Variants in RFPL4AL1 observed in about 807,000 individuals in gnomAD.
RFPL4AL1 encodes ret finger protein like 4A like 1.
RFPL4AL1 carries 2 observed loss-of-function variants against 8.2 expected under a neutral mutation model. The observed-to-expected ratio is 0.24, with a 90% CI of 0.10 to 0.77. RFPL4AL1 has a LOEUF of 0.77. Among genes scored for constraint, RFPL4AL1 ranks in the 30% least tolerant of loss-of-function variants. The pLI, the probability that RFPL4AL1 is intolerant of heterozygous loss-of-function variation, is 0.72. For missense variants in RFPL4AL1, 57 were observed against 350.3 expected, an observed-to-expected ratio of 0.16 and a Z score of 6.68; for synonymous variants, 25 against 131.8, an observed-to-expected ratio of 0.19 and a Z score of 5.55.
intron 1 of RFPL4AL1, among the ~76,000 whole-genome samples, chr19:55,770,243 G>A (rs73933346): frequency 1.8e-3 from 271 of 151,910 alleles, no homozygotes; most frequent in African/African-American, 6.3e-3. Flanking sequence ...CTAGCAGAGA[G>A]GGGGTAATAT....
At chr19:55,770,632 T>C (rs1173304746) in intron 1 of RFPL4AL1, among the ~76,000 whole-genome samples, 2 of 151,842 alleles carry the variant, frequency 1.3e-5, no homozygotes, top group African/African-American at 4.8e-5. Flanking sequence ...GAGTGTGTGA[T>C]TTAGTGTGGT....
At chr19:55,771,085 TG>T (rs769977705) in intron 1 of RFPL4AL1, among the ~76,000 whole-genome samples, 13 of 92,764 alleles carry the variant, frequency 1.4e-4, no homozygotes, top group Admixed American at 5.5e-4. Flanking sequence ...TTCTGTTTTT[TG>T]TTTTTTTTTT....
intron 1 of RFPL4AL1, among the ~76,000 whole-genome samples, chr19:55,769,975 T>C (rs1989459540): frequency 6.6e-6 from 1 of 152,026 alleles, no homozygotes. Flanking sequence ...GTTGTTTCCA[T>C]GGCTGTTGTG....
chr19:55,771,476 C>A (rs1228886718), intron 1 of RFPL4AL1, among the ~76,000 whole-genome samples: 1 of 151,972 alleles, frequency 6.6e-6, no homozygotes, highest in African/African-American at 2.4e-5. Context: ...TTCAGATACG[C>A]CCCATTTCAG....
chr19:55,771,086 G>GGTTTTTTTTTTTTTTT (rs1555799526), intron 1 of RFPL4AL1, among the ~76,000 whole-genome samples: 3 of 130,380 alleles, frequency 2.3e-5, no homozygotes, highest in Admixed American at 7.6e-5. Context: ...TCTGTTTTTT[G>GGTTTTTTTTTTTTTTT]TTTTTTTTTT....
At position 55,773,216 on chromosome 19, in the gene RFPL4AL1, A is replaced by T. The variant is rs201888659; in HGVS notation, c.*37A>T. On this transcript the variant is annotated 3_prime_UTR_variant, in exon 3 of 3. Coordinates refer to ENST00000341750, the MANE Select transcript of RFPL4AL1 (RefSeq NM_001277397.2). ...AACATAATCATCTTTAGGAAGTTTC[A>T]GTGCCCCCATAGCCATAGCTAAGAA... 253,503 of 1,100,744 alleles carry T rather than the reference A, an allele frequency of 0.23. 31,398 individuals are homozygous for T. The highest frequency in any genetic ancestry group is 0.47 in the South Asian group (28,636 of 60,720). The allele number at this position is 1,100,744 out of a possible 1,614,324, so 68.2% of individuals were successfully genotyped here.
intron 2 of RFPL4AL1, among the ~76,000 whole-genome samples, 153 bp from the exon 3 acceptor site, chr19:55,772,449 G>C (rs1451393232): frequency 7.7e-6 from 1 of 129,556 alleles, no homozygotes; most frequent in East Asian, 2.2e-4. Context: ...AACCTCATCA[G>C]GTGGCCAAAC....
rs537975022 is a variant in RFPL4AL1 at position 55,770,247 on chromosome 19, G to T, written c.-10+1072G>T. On this transcript the variant is annotated intron_variant, in intron 1 of 2. Transcript: ENST00000341750. Reference sequence around the variant, plus strand: ...TCATAGCCATCCTAGCAGAGAGGGGGTAATATCTCATCGCGGTTTTATTGC... The same window carrying T: ...TCATAGCCATCCTAGCAGAGAGGGGTTAATATCTCATCGCGGTTTTATTGC... 1.2e-3 allele frequency among the ~76,000 whole-genome samples: 180 copies of T among 151,966 alleles called. 3 individuals carry two copies. Among genetic ancestry groups the T allele is most frequent in the African/African-American group, 3.1e-3 (127 of 41,422 alleles).
rs2122665973 is a variant in RFPL4AL1 at position 55,771,701 on chromosome 19, A to G, written c.-9-95A>G. On this transcript the variant is annotated intron_variant, in intron 1 of 2. Coordinates refer to ENST00000341750, the MANE Select transcript of RFPL4AL1 (RefSeq NM_001277397.2). ...GTGATTTAAAGTATGGTGCCATGAT[A>G]GCTCCATGCATGTAAAGATAAAAGC... 8.7e-6 allele frequency: 11 copies of G among 1,262,820 alleles called. No individual in the cohort carries two copies. The South Asian group carries it at 1.2e-4, about 13-fold the overall frequency. The allele number at this position is 1,262,820 out of a possible 1,614,324, so 78.2% of individuals were successfully genotyped here.
At chr19:55,769,780 C>T (rs1989455380) in intron 1 of RFPL4AL1, among the ~76,000 whole-genome samples, 1 of 151,588 alleles carries the variant, frequency 6.6e-6, no homozygotes, top group South Asian at 2.1e-4. Context: ...TCAGTCAACT[C>T]AGATTCCACA....
intron 2 of RFPL4AL1, 145 bp downstream of exon 2, chr19:55,772,235 T>C (rs1352544645): frequency 1.5e-6 from 1 of 669,682 alleles, no homozygotes; most frequent in East Asian, 3.0e-5. Context: ...TTCTCACCTT[T>C]GCGTAGAGAT....
Sources: gnomAD v4.1 joint callset for allele counts (sites outside exome capture counted in the v4.1 genomes callset) on GRCh38, gnomAD v4.1.1 for gene constraint, MANE v1.5 for transcripts, NCBI Gene and HGNC (gene_info 2026-07-23, HGNC 2026-07-21) for gene names.